DHRSX: variants seen among roughly 807,000 people sequenced by gnomAD.
DHRSX encodes the protein polyprenol dehydrogenase.
In DHRSX, 31 loss-of-function variants were observed where a neutral mutation model predicts 34.0. The observed-to-expected ratio is 0.91, with a 90% CI of 0.69 to 1.23. The LOEUF is 1.23. Ranked by LOEUF, DHRSX falls within the 50% of genes most tolerant of loss-of-function variation. The pLI, the probability that DHRSX is intolerant of heterozygous loss-of-function variation, is 0.00. For missense variants in DHRSX, 414 were observed against 428.1 expected (o/e 0.97, Z 0.29); for synonymous variants, 201 against 183.8 (o/e 1.09, Z -0.76).
At chrX:2,375,658 G>C (rs2043132921) in intron 3 of DHRSX, among the ~76,000 whole-genome samples, 1 of 136,344 alleles carries the variant, frequency 7.3e-6, no homozygotes, top group African/African-American at 2.5e-5. Flanking sequence ...TTTTGAGACA[G>C]AGTCTCACTC....
chrX:2,489,180 G>A (rs771134379), intron 1 of DHRSX: 26 of 1,613,478 alleles, frequency 1.6e-5, no homozygotes, highest in African/African-American at 2.7e-5. Context: ...TCAGCCGGCC[G>A]GTAGCCGCCG....
At chrX:2,425,713 T>C (rs2043837144) in intron 1 of DHRSX, among the ~76,000 whole-genome samples, 2 of 152,164 alleles carry the variant, frequency 1.3e-5, no homozygotes, top group African/African-American at 4.8e-5. Context: ...TTTATTATGA[T>C]GTAGGTATGG....
Position 2,500,823 on chromosome X carries a change from C to A in DHRSX, c.103G>T (p.Glu35Ter), listed in dbSNP as rs1467334631. The A allele has an allele frequency of 2.6e-6, 3 of 1,132,510 alleles. No individual in the cohort carries two copies. The highest frequency in any genetic ancestry group is 9.2e-5 in the East Asian group (2 of 21,680). 70.2% of individuals were successfully genotyped at this position (1,132,510 alleles called of 1,614,324 possible). The change falls in exon 1 of 7, where the codon GAG becomes TAG. Residue 35 changes from glutamate to a stop codon, truncating the protein, a stop_gained. Coordinates refer to ENST00000334651, the MANE Select transcript of DHRSX (RefSeq NM_145177.3). LOFTEE classifies it high-confidence loss of function. ...CCTGCCCCGCCCCGCTGACCTGGCT[C>A]CAGGAAGCCCCCGCGGCAGCGCCGC... ...LLRRCRGGFL[E>*]PVFPPRPDRV...
chrX:2,383,397 C>T lies in DHRSX; in HGVS notation c.286+25348G>A, dbSNP rs746660369. On this transcript the variant is annotated intron_variant, in intron 3 of 6. Coordinates refer to ENST00000334651, the MANE Select transcript of DHRSX (RefSeq NM_145177.3). Reference sequence around the variant, plus strand: ...TCACCATCATCACCATCGTCATGATCATCACCATCATCATCATCATCACCA... The same window carrying T: ...TCACCATCATCACCATCGTCATGATTATCACCATCATCATCATCATCACCA... Among the ~76,000 whole-genome samples, 5 of 151,886 alleles carry T rather than the reference C, an allele frequency of 3.3e-5. No homozygotes were observed. The East Asian group carries it at 9.7e-4, about 29-fold the overall frequency.
chrX:2,298,317 G>GTGT (rs2041959123), intron 3 of DHRSX, among the ~76,000 whole-genome samples: 1 of 123,696 alleles, frequency 8.1e-6, no homozygotes, highest in Non-Finnish European at 1.7e-5. Flanking sequence ...CAGTTTTGGT[G>GTGT]TTTTTTTTTT....
At chrX:2,296,786 T>C (rs868094114) in intron 3 of DHRSX, among the ~76,000 whole-genome samples, 7 of 26,198 alleles carry the variant, frequency 2.7e-4, no homozygotes, top group East Asian at 1.4e-3. Flanking sequence ...CCCAGGCAGA[T>C]AGGAATAGGA....
intron 3 of DHRSX, among the ~76,000 whole-genome samples, chrX:2,356,459 A>G (rs1394482434): frequency 6.6e-6 from 1 of 150,572 alleles, no homozygotes; most frequent in Non-Finnish European, 1.5e-5. Context: ...GTAGAAGAAA[A>G]AGATGATGAC....
chrX:2,460,933 G>A (rs2124685479), intron 1 of DHRSX, among the ~76,000 whole-genome samples: 1 of 152,058 alleles, frequency 6.6e-6, no homozygotes, highest in Non-Finnish European at 1.5e-5. Flanking sequence ...TGCCCAGGCT[G>A]ATCTCAAACT....
intron 1 of DHRSX, among the ~76,000 whole-genome samples, chrX:2,442,407 T>C (rs915738005): frequency 4.6e-5 from 7 of 151,646 alleles, no homozygotes; most frequent in African/African-American, 1.7e-4. Flanking sequence ...TATATTATAA[T>C]ATATATGATA....
At chrX:2,488,658 T>C (rs1290486273) in intron 1 of DHRSX, 2 of 1,609,924 alleles carry the variant, frequency 1.2e-6, no homozygotes, top group Admixed American at 1.7e-5. Flanking sequence ...CTGTCCCTAA[T>C]GCCAAAGAAA....
At chrX:2,386,889 T>C (rs1026689851) in intron 3 of DHRSX, among the ~76,000 whole-genome samples, 1 of 151,864 alleles carries the variant, frequency 6.6e-6, no homozygotes, top group African/African-American at 2.4e-5. Flanking sequence ...TTTGTTTTTT[T>C]TTTTTTTTGC....
At chrX:2,255,794 G>T (rs372104397) in intron 5 of DHRSX, among the ~76,000 whole-genome samples, 6 of 151,562 alleles carry the variant, frequency 4.0e-5, no homozygotes, top group Non-Finnish European at 8.8e-5. Context: ...GGTGCCTGTA[G>T]TCCCAGCTAC....
chrX:2,260,351 G>A (rs1211114804), intron 5 of DHRSX, among the ~76,000 whole-genome samples: 1 of 151,918 alleles, frequency 6.6e-6, no homozygotes, highest in Admixed American at 6.6e-5. Flanking sequence ...CCAGCTCCTG[G>A]GGGCTCCAGG....
intron 3 of DHRSX, among the ~76,000 whole-genome samples, chrX:2,330,140 A>G (rs2124546478): frequency 8.9e-6 from 1 of 111,878 alleles, no homozygotes; most frequent in Non-Finnish European, 1.7e-5. Context: ...GAAAGGAAGG[A>G]GGAGGAGGAG....
intron 5 of DHRSX, among the ~76,000 whole-genome samples, chrX:2,257,489 G>A (rs976099438): frequency 6.6e-6 from 1 of 152,154 alleles, no homozygotes; most frequent in East Asian, 1.9e-4. Flanking sequence ...TACAGAAGAC[G>A]CCGGCTGAGG....
chrX:2,417,446 A>T (rs1162691286), intron 2 of DHRSX, among the ~76,000 whole-genome samples: 6 of 152,104 alleles, frequency 3.9e-5, no homozygotes, highest in Non-Finnish European at 8.8e-5. Context: ...CTACCTCATG[A>T]TGACATAACC....
At chrX:2,309,764 T>G (rs1322751555) in intron 3 of DHRSX, among the ~76,000 whole-genome samples, 1 of 151,908 alleles carries the variant, frequency 6.6e-6, no homozygotes, top group Admixed American at 6.6e-5. Flanking sequence ...TCATAAAAAA[T>G]TATCTGAGTG....
chrX:2,334,162 A>T (rs2042519686), intron 3 of DHRSX: 1 of 64,162 alleles, frequency 1.6e-5, no homozygotes, highest in African/African-American at 7.5e-5. Flanking sequence ...TTTTAACTCA[A>T]AAGTATGCTT....
At chrX:2,485,317 C>G (rs1340977368) in intron 1 of DHRSX, among the ~76,000 whole-genome samples, 1 of 151,972 alleles carries the variant, frequency 6.6e-6, no homozygotes, top group East Asian at 1.9e-4. Flanking sequence ...AAATGAACCC[C>G]TTTCAACCCA....
Sources: gnomAD v4.1 joint callset for allele counts (sites outside exome capture counted in the v4.1 genomes callset) on GRCh38, gnomAD v4.1.1 for gene constraint, MANE v1.5 for transcripts, NCBI Gene and HGNC (gene_info 2026-07-23, HGNC 2026-07-21) for gene names.